Variants in CSTPP1 observed in about 807,000 individuals in gnomAD.
CSTPP1 encodes centriolar satellite-associated tubulin polyglutamylase complex regulator 1.
the CSTPP1 span, among the ~76,000 whole-genome samples, chr11:47,124,645 A>T: frequency 6.6e-6 from 1 of 152,140 alleles, no homozygotes; most frequent in African/African-American, 2.4e-5. Context: ...GCATGACAGG[A>T]AGAAATTGAG....
At chr11:47,024,015 T>C in the CSTPP1 span, among the ~76,000 whole-genome samples, 2 of 152,174 alleles carry the variant, frequency 1.3e-5, no homozygotes, top group Non-Finnish European at 2.9e-5. Flanking sequence ...AATATCTTAC[T>C]TTCTAAGAAA....
chr11:47,042,984 G>A, the CSTPP1 span, among the ~76,000 whole-genome samples: 5 of 152,202 alleles, frequency 3.3e-5, no homozygotes, highest in Admixed American at 1.3e-4. Context: ...AGATTTTTAA[G>A]GACATAGCCA....
chr11:47,011,768 T>C, the CSTPP1 span, among the ~76,000 whole-genome samples: 1 of 152,248 alleles, frequency 6.6e-6, no homozygotes, highest in African/African-American at 2.4e-5. Context: ...TTCTTTTCTG[T>C]GATGCTCTTC....
chr11:46,956,491 C>T, the CSTPP1 span, among the ~76,000 whole-genome samples: 1 of 152,122 alleles, frequency 6.6e-6, no homozygotes. Context: ...CAGACAAATA[C>T]AGTAACTTGG....
At chr11:47,108,081 C>G in the CSTPP1 span, among the ~76,000 whole-genome samples, 1 of 152,260 alleles carries the variant, frequency 6.6e-6, no homozygotes, top group Non-Finnish European at 1.5e-5. Context: ...GTACTCATCA[C>G]TATACACAGT....
the CSTPP1 span, among the ~76,000 whole-genome samples, chr11:47,037,396 T>TA: frequency 1.6e-5 from 2 of 122,052 alleles, no homozygotes; most frequent in African/African-American, 5.1e-5. Flanking sequence ...ATTATTATTT[T>TA]TTTTTTTTAA....
chr11:47,023,816 G>A, the CSTPP1 span, among the ~76,000 whole-genome samples: 6 of 152,218 alleles, frequency 3.9e-5, no homozygotes, highest in East Asian at 9.6e-4. Flanking sequence ...ATAATAGTCC[G>A]TTGTATGTAT....
chr11:47,094,257 A>G, the CSTPP1 span, among the ~76,000 whole-genome samples: 5 of 152,248 alleles, frequency 3.3e-5, no homozygotes, highest in African/African-American at 1.2e-4. Flanking sequence ...TAAAGTAATT[A>G]AAATTAAATA....
the CSTPP1 span, among the ~76,000 whole-genome samples, chr11:46,952,313 C>A: frequency 2.0e-5 from 3 of 152,176 alleles, no homozygotes; most frequent in African/African-American, 7.2e-5. Flanking sequence ...GGGCAAGGAC[C>A]TTTTAGGCAA....
chr11:47,157,063 G>A, the CSTPP1 span: 3 of 1,614,172 alleles, frequency 1.9e-6, no homozygotes, highest in South Asian at 1.1e-5. Flanking sequence ...AGGACCTGCT[G>A]TCAGGCAAGA....
chr11:47,139,669 G>A, the CSTPP1 span, among the ~76,000 whole-genome samples: 5 of 139,490 alleles, frequency 3.6e-5, no homozygotes, highest in South Asian at 2.4e-4. Context: ...GAGACTGAAC[G>A]TCAAAAAAAA....
the CSTPP1 span, among the ~76,000 whole-genome samples, chr11:47,019,502 G>A: frequency 6.6e-6 from 1 of 152,122 alleles, no homozygotes; most frequent in Non-Finnish European, 1.5e-5. Context: ...AGAGGCCATT[G>A]TAGGGTTATT....
At chr11:47,148,756 ACT>A in the CSTPP1 span, among the ~76,000 whole-genome samples, 2 of 152,092 alleles carry the variant, frequency 1.3e-5, no homozygotes, top group African/African-American at 4.8e-5. Context: ...CATCATGCTG[ACT>A]CTCCACAAGA....
chr11:47,162,701 G>A, the CSTPP1 span, among the ~76,000 whole-genome samples: 2 of 152,234 alleles, frequency 1.3e-5, no homozygotes, highest in South Asian at 2.1e-4. Flanking sequence ...CTGAAGGGGC[G>A]GGGTCCCCCA....
chr11:46,995,753 G>A, the CSTPP1 span, among the ~76,000 whole-genome samples: 2 of 152,182 alleles, frequency 1.3e-5, no homozygotes, highest in African/African-American at 2.4e-5. Flanking sequence ...TGTATATTCT[G>A]TTGATATGGG....
the CSTPP1 span, among the ~76,000 whole-genome samples, chr11:47,158,343 G>GA: frequency 0.34 from 51,139 of 149,948 alleles, 9,138 homozygotes; most frequent in East Asian, 0.71. Context: ...TTTCCAAGCT[G>GA]AAAAAAAAAA....
chr11:46,987,198 T>C, the CSTPP1 span: 4 of 1,612,970 alleles, frequency 2.5e-6, no homozygotes, highest in East Asian at 2.2e-5. Context: ...CTCTTGCTAT[T>C]TGATTGCAGC....
chr11:46,960,134 T>C, the CSTPP1 span, among the ~76,000 whole-genome samples: 60 of 152,354 alleles, frequency 3.9e-4, no homozygotes, highest in African/African-American at 1.4e-3. Context: ...TCCAAAGTGC[T>C]GGGATTATAG....
At chr11:47,071,647 T>G in the CSTPP1 span, among the ~76,000 whole-genome samples, 2 of 152,106 alleles carry the variant, frequency 1.3e-5, no homozygotes, top group African/African-American at 4.8e-5. Flanking sequence ...GGGTCGTGCT[T>G]ACTTATATAG....
Sources: allele counts gnomAD v4.1 joint callset (sites outside exome capture counted in the v4.1 genomes callset), GRCh38; gene constraint gnomAD v4.1.1; transcripts MANE v1.5; gene names NCBI Gene and HGNC (gene_info 2026-07-23, HGNC 2026-07-21).